CCSER2: variants seen among roughly 807,000 people sequenced by gnomAD.
The protein encoded by CCSER2 is coiled-coil serine rich protein 2, also known as serine-rich coiled-coil domain-containing protein 2.
A neutral mutation model predicts 92.3 loss-of-function variants in CCSER2; 46 were observed. The ratio of observed to expected loss-of-function variants is 0.50; its 90% CI spans 0.39 to 0.64. The LOEUF (loss-of-function observed/expected upper bound fraction) is 0.64. CCSER2 is among the 30% of genes least tolerant of loss of function. CCSER2 has a pLI of 0.00. For synonymous variants in CCSER2, 433 were observed against 431.4 expected (o/e 1.00, Z -0.04); for missense variants, 1,244 against 1,238.9 (o/e 1.00, Z -0.06).
chr10:84,390,945 T>C (rs1393093803), intron 3 of CCSER2: 2 of 760,038 alleles, frequency 2.6e-6, no homozygotes, highest in Non-Finnish European at 4.9e-6. Context: ...TTACTCACTT[T>C]GCTTATATAC....
At chr10:84,403,332 G>A (rs998939631) in intron 3 of CCSER2, among the ~76,000 whole-genome samples, 2 of 152,098 alleles carry the variant, frequency 1.3e-5, no homozygotes, top group Non-Finnish European at 2.9e-5. Context: ...TGTGAACTAT[G>A]AAACTTTAAA....
At chr10:84,400,446 CA>C (rs1210584018) in intron 3 of CCSER2, among the ~76,000 whole-genome samples, 1 of 152,160 alleles carries the variant, frequency 6.6e-6, no homozygotes, top group East Asian at 1.9e-4. Context: ...GCTAGAAATA[CA>C]GATGTGAGCC....
chr10:84,342,168 C>G (rs1844225430), intron 1 of CCSER2, among the ~76,000 whole-genome samples: 1 of 152,138 alleles, frequency 6.6e-6, no homozygotes, highest in Non-Finnish European at 1.5e-5. Flanking sequence ...TAGGGCTCCC[C>G]AGCTAGCAGT....
intron 3 of CCSER2, among the ~76,000 whole-genome samples, chr10:84,375,441 A>G (rs1392614844): frequency 6.6e-6 from 1 of 152,138 alleles, no homozygotes; most frequent in Non-Finnish European, 1.5e-5. Flanking sequence ...GTTCTCGTAC[A>G]GTGATGTAGG....
At chr10:84,413,760 A>G (rs769591703) in intron 3 of CCSER2, among the ~76,000 whole-genome samples, 14 of 152,078 alleles carry the variant, frequency 9.2e-5, no homozygotes, top group Admixed American at 2.0e-4. Context: ...GTCTCCCACT[A>G]TTATTGTGTG....
intron 6 of CCSER2, among the ~76,000 whole-genome samples, chr10:84,462,347 G>A (rs1002692635): frequency 6.6e-6 from 1 of 152,174 alleles, no homozygotes; most frequent in East Asian, 1.9e-4. Context: ...AAAGCAGTAT[G>A]TGCTTGTGTT....
intron 4 of CCSER2, among the ~76,000 whole-genome samples, chr10:84,423,054 C>CAA (rs201299980): frequency 4.9e-5 from 6 of 122,608 alleles, no homozygotes; most frequent in East Asian, 2.4e-4. Flanking sequence ...GACTTCATCT[C>CAA]AAAAAAAAAA....
chr10:84,372,013 T>A lies in CCSER2; in HGVS notation c.961T>A (p.Ser321Thr), dbSNP rs982056577. The A allele has an allele frequency of 3.1e-6, 5 of 1,613,642 alleles. No individual in the cohort carries two copies. In the Admixed American group the frequency reaches 8.3e-5, roughly 27 times the overall value. The change falls in exon 2 of 10, where the codon TCT becomes ACT. Residue 321 changes from serine to threonine, a missense_variant. Physicochemically the swap from Ser to Thr is moderately conservative, Grantham distance 58 (BLOSUM62 1). Coordinates refer to ENST00000372088, the MANE Select transcript of CCSER2 (RefSeq NM_001284240.2). The part of the protein sequence containing the change: ...STLGYRMVHP[S>T]LLKSSRSPFS... The stretch of plus-strand genomic sequence containing the variant: ...TTTAGGTTATAGAATGGTTCATCCC[T>A]CTCTACTGAAATCTAGCCGATCTCC...
intron 5 of CCSER2, among the ~76,000 whole-genome samples, chr10:84,433,613 A>G (rs905536205): frequency 1.3e-5 from 2 of 152,244 alleles, no homozygotes; most frequent in East Asian, 3.8e-4. Context: ...GGGTGTAGCC[A>G]TAGAATTTGG....
At chr10:84,445,399 C>T (rs551893347) in intron 6 of CCSER2, among the ~76,000 whole-genome samples, 186 of 152,302 alleles carry the variant, frequency 1.2e-3, no homozygotes, top group African/African-American at 4.4e-3. Flanking sequence ...GTGATCCACC[C>T]GCCTTGGCCT....
At chr10:84,480,176 C>G (rs886085601) in intron 9 of CCSER2, among the ~76,000 whole-genome samples, 5 of 152,152 alleles carry the variant, frequency 3.3e-5, no homozygotes, top group Non-Finnish European at 7.4e-5. Flanking sequence ...TCCCAAGTAT[C>G]TGGGACCACA....
At chr10:84,385,452 A>G (rs2133231567) in intron 3 of CCSER2, among the ~76,000 whole-genome samples, 1 of 152,342 alleles carries the variant, frequency 6.6e-6, no homozygotes, top group East Asian at 1.9e-4. Flanking sequence ...AAGTAAAGCC[A>G]CATGCATACA....
intron 9 of CCSER2, among the ~76,000 whole-genome samples, chr10:84,485,860 A>G (rs1589790687): frequency 2.0e-5 from 3 of 152,160 alleles, no homozygotes. Flanking sequence ...CGTCATTTAC[A>G]TTAGGTATAT....
chr10:84,451,046 G>A (rs1298375961), intron 6 of CCSER2, among the ~76,000 whole-genome samples: 2 of 152,022 alleles, frequency 1.3e-5, no homozygotes, highest in Non-Finnish European at 2.9e-5. Flanking sequence ...TTATCAAAAT[G>A]ACTCCAAAAT....
At chr10:84,400,296 C>T (rs1842051501) in intron 3 of CCSER2, among the ~76,000 whole-genome samples, 1 of 152,078 alleles carries the variant, frequency 6.6e-6, no homozygotes, top group South Asian at 2.1e-4. Context: ...CATTACCAGT[C>T]CAAAGTAAAA....
intron 6 of CCSER2, among the ~76,000 whole-genome samples, chr10:84,453,162 TTTTC>T (rs1845401223): frequency 6.7e-6 from 1 of 149,398 alleles, no homozygotes; most frequent in Non-Finnish European, 1.5e-5. Context: ...TTCATTTTTT[TTTTC>T]AGTTTTCAAA....
At chr10:84,457,637 AT>A (rs1845839237) in intron 6 of CCSER2, among the ~76,000 whole-genome samples, 1 of 43,380 alleles carries the variant, frequency 2.3e-5, no homozygotes, top group Non-Finnish European at 4.6e-5. Context: ...TATATTATAT[AT>A]AATTATATAT....
chr10:84,417,875 A>G lies in CCSER2; in HGVS notation c.1705+14A>G, dbSNP rs1052627998. On this transcript the variant is annotated intron_variant, in intron 4 of 9. Coordinates refer to ENST00000372088, the MANE Select transcript of CCSER2 (RefSeq NM_001284240.2). ...CTCTTGAAAATGGTAAGTTGAGACA[A>G]TATTGAACCTTCAGAGGTATATACT... The G allele has an allele frequency of 1.5e-6, 2 of 1,347,578 alleles. No homozygotes were observed. The highest frequency in any genetic ancestry group is 2.9e-5 in the African/African-American group (2 of 69,746). The allele number at this position is 1,347,578 out of a possible 1,614,324, so 83.5% of individuals were successfully genotyped here.
chr10:84,474,728 T>G (rs1255794233), intron 8 of CCSER2, among the ~76,000 whole-genome samples: 1 of 150,718 alleles, frequency 6.6e-6, no homozygotes, highest in Non-Finnish European at 1.5e-5. Context: ...TATGTTGTGA[T>G]AGAACTACAT....
Sources: allele counts gnomAD v4.1 joint callset (sites outside exome capture counted in the v4.1 genomes callset), GRCh38; gene constraint gnomAD v4.1.1; transcripts MANE v1.5; gene names NCBI Gene and HGNC (gene_info 2026-07-23, HGNC 2026-07-21).